The following FIGNL2 variants were observed in gnomAD, a reference collection of about 807,000 sequenced individuals.
FIGNL2 encodes the protein fidgetin like 2, also known as fidgetin-like protein 2.
For synonymous variants in FIGNL2, 565 were observed against 484.0 expected, an observed-to-expected ratio of 1.17 and a Z score of -2.20; for missense variants, 1,060 against 950.2, an observed-to-expected ratio of 1.12 and a Z score of -1.52.
Position 51,821,763 on chromosome 12 carries a change from G to C in FIGNL2, c.651C>G (p.Gly217=), listed in dbSNP as rs1304710327. ...GTGGGCCTGGGGGCGGCGGGAGCGC[G>C]CCATAGCCGGGCTGCGCTGCGTAGC... The part of the protein sequence containing the change: ...AGGYAAQPGY[G]ALPPPPGPPP... The change falls in exon 2 of 2, where the codon GGC becomes GGG. Residue 217 remains glycine, a synonymous_variant. Coordinates refer to ENST00000618634, the MANE Select transcript of FIGNL2 (RefSeq NM_001384995.1). 1 of 1,280,344 alleles carries C rather than the reference G, an allele frequency of 7.8e-7. No homozygotes were observed. The highest frequency in any genetic ancestry group is 3.3e-5 in the East Asian group (1 of 30,696). The allele number at this position is 1,280,344 out of a possible 1,614,324, so 79.3% of individuals were successfully genotyped here.
At chr12:51,834,040 GATGA>G (rs1338305277) in intron 1 of FIGNL2, among the ~76,000 whole-genome samples, 41 of 151,470 alleles carry the variant, frequency 2.7e-4, no homozygotes, top group African/African-American at 8.9e-4. Context: ...TGGATGGATG[GATGA>G]ATGGACAGAT....
intron 1 of FIGNL2, among the ~76,000 whole-genome samples, chr12:51,834,127 G>GGACA (rs1565946423): frequency 6.9e-4 from 103 of 148,526 alleles, no homozygotes; most frequent in East Asian, 2.4e-3. Context: ...ATGGATGGAT[G>GGACA]GATGGATGGA....
At position 51,822,091 on chromosome 12, in the gene FIGNL2, A is replaced by G. The variant is rs201565575; in HGVS notation, c.323T>C (p.Leu108Ser). ...PWPGPEPPYP[L>S]ASLHEGLPGT... is the part of the protein sequence containing the mutation. ...TGGGAGGCCTTCGTGGAGTGAGGCC[A>G]AGGGGTAGGGTGGCTCCGGCCCTGG... is the stretch of plus-strand genomic sequence containing the variant. Residue 108 changes from leucine to serine, a missense_variant, in exon 2 of 2, where the codon TTG becomes TCG. By Grantham distance (145) the Leu-to-Ser change is moderately radical. Transcript: ENST00000618634. 1.6e-3 allele frequency: 2,518 copies of G among 1,611,502 alleles called. 3 individuals are homozygous for G. The highest frequency in any genetic ancestry group is 1.9e-3 in the Non-Finnish European group (2,185 of 1,178,960).
At chr12:51,833,890 A>G (rs1257482905) in intron 1 of FIGNL2, among the ~76,000 whole-genome samples, 1 of 151,948 alleles carries the variant, frequency 6.6e-6, no homozygotes, top group Non-Finnish European at 1.5e-5. Flanking sequence ...TATCCCAAGC[A>G]CCTAGGACAG....
intron 1 of FIGNL2, among the ~76,000 whole-genome samples, chr12:51,825,270 TGAA>T (rs1939314105): frequency 1.3e-5 from 2 of 152,108 alleles, no homozygotes; most frequent in Non-Finnish European, 2.9e-5. Flanking sequence ...ACACAGTAAA[TGAA>T]GAAGACTCAG....
Position 51,817,990 on chromosome 12 carries a change from A to C in FIGNL2, c.*2462T>G, listed in dbSNP as rs376495951. On this transcript the variant is annotated 3_prime_UTR_variant, in exon 2 of 2. Transcript: ENST00000618634. The stretch of plus-strand genomic sequence containing the variant: ...GACCACAACTGCAGAGCATCGTCAG[A>C]CAGGAGATAAATACGTCCATGTACA... 1 of 152,694 alleles carries C rather than the reference A, an allele frequency of 6.5e-6. No individual in the cohort carries two copies. The highest frequency in any genetic ancestry group is 1.9e-4 in the East Asian group (1 of 5,180). The allele number at this position is 152,694 out of a possible 1,614,324, so 9.5% of individuals were successfully genotyped here. A position where few individuals can be genotyped will look rare whatever the true frequency, so the allele number is the denominator to read the frequency against.
At chr12:51,827,316 G>T (rs1939365393) in intron 1 of FIGNL2, among the ~76,000 whole-genome samples, 1 of 152,150 alleles carries the variant, frequency 6.6e-6, no homozygotes, top group African/African-American at 2.4e-5. Context: ...TTTGAATCCA[G>T]GCCCAAACAC....
chr12:51,833,689 G>T (rs61933781), intron 1 of FIGNL2, among the ~76,000 whole-genome samples: 43,988 of 152,036 alleles, frequency 0.29, 6,765 homozygotes, highest in Admixed American at 0.42. Context: ...CTTGCACCCT[G>T]CCTAGCATCA....
intron 1 of FIGNL2, among the ~76,000 whole-genome samples, chr12:51,838,615 G>T (rs141699588): frequency 6.6e-6 from 1 of 152,156 alleles, no homozygotes; most frequent in Admixed American, 6.5e-5. Context: ...TTGTGAAATG[G>T]GGGGTGGAGA....
intron 1 of FIGNL2, among the ~76,000 whole-genome samples, chr12:51,827,332 G>T (rs764149496): frequency 3.9e-5 from 6 of 152,024 alleles, no homozygotes; most frequent in Non-Finnish European, 5.9e-5. Flanking sequence ...AACACACACT[G>T]TGTGACCCTG....
intron 1 of FIGNL2, among the ~76,000 whole-genome samples, chr12:51,845,969 C>G (rs188030531): frequency 6.6e-6 from 1 of 151,900 alleles, no homozygotes; most frequent in African/African-American, 2.4e-5. Flanking sequence ...GAGAAGGAGG[C>G]AAATAAGGGA....
chr12:51,826,940 A>G (rs946354196), intron 1 of FIGNL2, among the ~76,000 whole-genome samples: 5 of 152,366 alleles, frequency 3.3e-5, no homozygotes, highest in African/African-American at 1.2e-4. Flanking sequence ...CTGCAGGCAC[A>G]TGTGCATATG....
intron 1 of FIGNL2, among the ~76,000 whole-genome samples, chr12:51,834,672 G>C (rs1939550939): frequency 6.6e-6 from 1 of 152,236 alleles, no homozygotes; most frequent in African/African-American, 2.4e-5. Flanking sequence ...TCTGGGCTCT[G>C]TGTACGCGTG....
At chr12:51,824,538 GC>G (rs1382559759) in intron 1 of FIGNL2, 1 of 152,244 alleles carries the variant, frequency 6.6e-6, no homozygotes, top group Non-Finnish European at 1.5e-5. Context: ...AGGTTGTCCT[GC>G]CCCCATTTGA....
rs772169289 is a variant in FIGNL2, at chr12:51,820,440, C to T, written c.*12G>A. ...GAGGGACTGCGGCTCCCGCGGCCTC[C>T]CCCGCGCGCCGTCAGTGTCCGGAGC... On this transcript the variant is annotated 3_prime_UTR_variant, in exon 2 of 2. Coordinates refer to ENST00000618634, the MANE Select transcript of FIGNL2 (RefSeq NM_001384995.1). 1.3e-6 allele frequency: 2 copies of T among 1,582,852 alleles called. No homozygotes were observed. The highest frequency in any genetic ancestry group is 2.3e-5 in the South Asian group (2 of 88,002).
In FIGNL2 at chr12:51,848,688, T is replaced by G; in HGVS notation, c.-160A>C. ...ATCCTGGAGCCGCTGCTGCTGCGGC[T>G]GCTGCGGCCGCCGCGGGCGGGAGCG... is the stretch of plus-strand genomic sequence containing the variant. On this transcript the variant is annotated 5_prime_UTR_variant, in exon 1 of 2. Coordinates refer to ENST00000618634, the MANE Select transcript of FIGNL2 (RefSeq NM_001384995.1). 1 of 322,286 alleles carries G rather than the reference T, an allele frequency of 3.1e-6. No individual in the cohort carries two copies. Among genetic ancestry groups the G allele is most frequent in the Non-Finnish European group, 4.5e-6 (1 of 223,870 alleles). The allele number at this position is 322,286 out of a possible 1,614,324, so 20.0% of individuals were successfully genotyped here.
At chr12:51,843,692 G>T (rs1046483595) in intron 1 of FIGNL2, among the ~76,000 whole-genome samples, 2 of 152,196 alleles carry the variant, frequency 1.3e-5, no homozygotes, top group African/African-American at 4.8e-5. Context: ...CTACCTTCCA[G>T]ATTCCTGCAG....
rs1362018237 is a variant in FIGNL2 at position 51,834,007 on chromosome 12, A to AGATG, written c.-11-11584_-11-11583insCATC. Among the ~76,000 whole-genome samples, 571 of 131,746 alleles carry AGATG rather than the reference A, an allele frequency of 4.3e-3. 1 individual carries two copies. The highest frequency in any genetic ancestry group is 6.5e-3 in the Non-Finnish European group (399 of 60,930). The allele number at this position is 131,746 out of a possible 152,430, so 86.4% of individuals were successfully genotyped here. On this transcript the variant is annotated intron_variant, in intron 1 of 1. Transcript: ENST00000618634. ...TGGACGGATGGATGGATGAATGGAC[A>AGATG]GACAAATGGACGGATGGATGGATGG...
intron 1 of FIGNL2, among the ~76,000 whole-genome samples, chr12:51,822,699 T>C (rs778056096): frequency 2.0e-5 from 3 of 152,106 alleles, no homozygotes; most frequent in Non-Finnish European, 4.4e-5. Flanking sequence ...TAGGCAATGG[T>C]TATTATTTTT....
Sources: allele counts gnomAD v4.1 joint callset (sites outside exome capture counted in the v4.1 genomes callset), GRCh38; gene constraint gnomAD v4.1.1; transcripts MANE v1.5; gene names NCBI Gene and HGNC (gene_info 2026-07-23, HGNC 2026-07-21).